Variants in SMS observed in about 807,000 individuals in gnomAD.
SMS encodes spermidine aminopropyltransferase.
In SMS, 3 loss-of-function variants were observed where a neutral mutation model predicts 33.0. The ratio of observed to expected loss-of-function variants is 0.09; its 90% CI spans 0.04 to 0.23. The LOEUF (loss-of-function observed/expected upper bound fraction) is 0.23. Ranked by LOEUF, SMS falls within the 10% of genes least tolerant of loss-of-function variation. The probability of loss-of-function intolerance (pLI) is 1.00; values close to 1 mark genes in which losing one functional copy is unlikely to be tolerated. For synonymous variants in SMS, 103 were observed against 112.2 expected, an observed-to-expected ratio of 0.92 and a Z score of 0.52; for missense variants, 117 against 288.6, an observed-to-expected ratio of 0.41 and a Z score of 4.31.
Position 21,959,897 on chromosome X carries a change from G to T in SMS, c.50-7299G>T, listed in dbSNP as rs1435293706. The stretch of plus-strand genomic sequence containing the variant: ...CAGCCAGCTCGCACACCATCTTCCC[G>T]TGGAGAGAGTGCAGATCCCTGAAAG... On this transcript the variant is annotated intron_variant, in intron 1 of 10. Coordinates refer to ENST00000404933, the MANE Select transcript of SMS (RefSeq NM_004595.5). 9 of 751,551 alleles carry T rather than the reference G, an allele frequency of 1.2e-5. No homozygotes were observed. In the Admixed American group the frequency reaches 2.6e-4, roughly 22 times the overall value. 61.9% of individuals were successfully genotyped at this position (751,551 alleles called of 1,213,427 possible).
chrX:21,970,811 A>C (rs184062543), intron 2 of SMS, among the ~76,000 whole-genome samples: 3 of 105,309 alleles, frequency 2.8e-5, no homozygotes, highest in Non-Finnish European at 5.8e-5. Flanking sequence ...TGATCTTCTA[A>C]TTTAGTATTT....
At chrX:21,966,801 A>G (rs913080760) in intron 1 of SMS, among the ~76,000 whole-genome samples, 1 of 111,796 alleles carries the variant, frequency 8.9e-6, no homozygotes, top group East Asian at 2.8e-4. Flanking sequence ...TTTAACCTGA[A>G]GTGGAATCTC....
chrX:21,959,864 T>C, intron 1 of SMS: 1 of 726,055 alleles, frequency 1.4e-6, no homozygotes, highest in Non-Finnish European at 1.6e-6. Flanking sequence ...GCAGACTGGC[T>C]CTATTGCCAG....
intron 7 of SMS, among the ~76,000 whole-genome samples, chrX:21,979,931 CAA>C (rs532310887): frequency 1.0e-4 from 6 of 58,846 alleles, no homozygotes; most frequent in African/African-American, 1.3e-4. Flanking sequence ...GAGAATGTCT[CAA>C]AAAAAAAAAA....
At position 21,940,720 on chromosome X, in the gene SMS, C is replaced by T. The variant is rs1206180194; in HGVS notation, c.-105C>T. ...CCCTCCCACCTCCTAGTCCTGGCCT[C>T]CCCGGGCGCAGCACACTCCCAGCCG... On this transcript the variant is annotated 5_prime_UTR_variant, in exon 1 of 11. Coordinates refer to ENST00000404933, the MANE Select transcript of SMS (RefSeq NM_004595.5). 1.5e-6 allele frequency: 1 copy of T among 654,846 alleles called. No homozygotes were observed. The highest frequency in any genetic ancestry group is 2.2e-6 in the Non-Finnish European group (1 of 448,127). The allele number at this position is 654,846 out of a possible 1,213,427, so 54.0% of individuals were successfully genotyped here.
intron 1 of SMS, among the ~76,000 whole-genome samples, chrX:21,963,717 G>T (rs1204247974): frequency 9.0e-6 from 1 of 111,701 alleles, no homozygotes; most frequent in Non-Finnish European, 1.9e-5. Context: ...ACCCAGGCCA[G>T]GGTCCTCGTT....
intron 2 of SMS, among the ~76,000 whole-genome samples, chrX:21,969,939 A>C (rs1206509840): frequency 2.7e-5 from 3 of 112,316 alleles, no homozygotes; most frequent in Non-Finnish European, 1.9e-5. Context: ...TCAGCCTTCC[A>C]AGTGGCTGGA....
At chrX:21,993,289 G>A (rs758613030) in intron 10 of SMS, among the ~76,000 whole-genome samples, 37 of 112,994 alleles carry the variant, frequency 3.3e-4, no homozygotes, top group Non-Finnish European at 6.4e-4. Flanking sequence ...AACAGAAATC[G>A]AGAACTAGAA....
intron 4 of SMS, among the ~76,000 whole-genome samples, chrX:21,973,987 C>T (rs764734437): frequency 4.4e-5 from 5 of 112,881 alleles, no homozygotes; most frequent in Non-Finnish European, 9.4e-5. Flanking sequence ...ACAATTTACT[C>T]TTGCCCTGCC....
intron 7 of SMS, among the ~76,000 whole-genome samples, chrX:21,982,129 C>T (rs755658208): frequency 4.9e-4 from 53 of 108,858 alleles, no homozygotes; most frequent in African/African-American, 1.3e-3. Flanking sequence ...GTCAGGAGAT[C>T]GAGACCATCC....
intron 1 of SMS, among the ~76,000 whole-genome samples, chrX:21,958,525 G>T (rs6633493): frequency 9.0e-6 from 1 of 110,842 alleles, no homozygotes; most frequent in Non-Finnish European, 1.9e-5. Flanking sequence ...GGATATTTGC[G>T]GTTGCGTGAC....
At chrX:21,968,335 C>T (rs1180183160) in intron 2 of SMS, among the ~76,000 whole-genome samples, 1 of 112,449 alleles carries the variant, frequency 8.9e-6, no homozygotes, top group Admixed American at 9.4e-5. Context: ...AGAGCTTTCA[C>T]GAAACACTCG....
chrX:21,982,592 TTTA>T (rs989618120), intron 7 of SMS, among the ~76,000 whole-genome samples: 1 of 112,225 alleles, frequency 8.9e-6, no homozygotes, highest in African/African-American at 3.2e-5. Context: ...ACTACAAGGT[TTTA>T]TTATAGCTGT....
chrX:21,979,099 A>C (rs1161525642), intron 7 of SMS, 133 bp downstream of exon 7: 2 of 501,215 alleles, frequency 4.0e-6, no homozygotes, highest in Non-Finnish European at 7.1e-6. Flanking sequence ...TCTTCATATG[A>C]GTTATATGTA....
chrX:21,994,043 C>G (rs1925933589), intron 10 of SMS, among the ~76,000 whole-genome samples: 1 of 109,232 alleles, frequency 9.2e-6, no homozygotes, highest in Non-Finnish European at 1.9e-5. Context: ...ACTTGTGAGA[C>G]TTTGGAAGCA....
In SMS at chrX:21,985,811, T is replaced by A. The variant is rs1426908612; in HGVS notation, c.945+588T>A. ...CAGGAAAATCCCCTCCGCCATTTTT[T>A]AAAAAAAGTACTGCCAGCCTGGACA... On this transcript the variant is annotated intron_variant, in intron 9 of 10. Coordinates refer to ENST00000404933, the MANE Select transcript of SMS (RefSeq NM_004595.5). 5.3e-4 allele frequency among the ~76,000 whole-genome samples: 59 copies of A among 111,311 alleles called. No homozygotes were observed. In the Admixed American group the frequency reaches 5.7e-3, roughly 11 times the overall value.
At chrX:21,984,263 C>A in intron 7 of SMS, 41 bp from the exon 8 acceptor site, 1 of 824,172 alleles carries the variant, frequency 1.2e-6, no homozygotes, top group Non-Finnish European at 1.8e-6. Flanking sequence ...TAACTACATC[C>A]ACATGTTGGC....
intron 1 of SMS, among the ~76,000 whole-genome samples, chrX:21,964,856 C>T (rs896239225): frequency 2.7e-5 from 3 of 112,085 alleles, no homozygotes; most frequent in Non-Finnish European, 3.8e-5. Flanking sequence ...CAAAGTACTA[C>T]AAATTGGATA....
chrX:21,994,558 A>T lies in SMS; in HGVS notation c.*207A>T. The stretch of plus-strand genomic sequence containing the variant: ...TTTTTTTTTGAAAGTCAGCTGAAGG[A>T]TGGTTAGACAGCACAGCGAAGACTG... On this transcript the variant is annotated 3_prime_UTR_variant, in exon 11 of 11. Transcript: ENST00000404933. 3 of 1,035,129 alleles carry T rather than the reference A, an allele frequency of 2.9e-6. No individual in the cohort carries two copies. Among genetic ancestry groups the T allele is most frequent in the African/African-American group, 1.9e-5 (1 of 51,939 alleles). The allele number at this position is 1,035,129 out of a possible 1,213,427, so 85.3% of individuals were successfully genotyped here. A position where few individuals can be genotyped will look rare whatever the true frequency, so the allele number is the denominator to read the frequency against.
Sources: allele counts gnomAD v4.1 joint callset (sites outside exome capture counted in the v4.1 genomes callset), GRCh38; gene constraint gnomAD v4.1.1; transcripts MANE v1.5; gene names NCBI Gene and HGNC (gene_info 2026-07-23, HGNC 2026-07-21).